The following MACROD2 variants were observed in gnomAD, a reference collection of about 807,000 sequenced individuals.
The protein encoded by MACROD2 is ADP-ribose glycohydrolase MACROD2.
MACROD2 carries 36 observed loss-of-function variants against 70.4 expected under a neutral mutation model. The observed-to-expected ratio is 0.51, with a 90% CI of 0.39 to 0.68. The LOEUF (loss-of-function observed/expected upper bound fraction) is 0.68, where lower values mean the gene tolerates loss of function less well. Ranked by LOEUF, MACROD2 falls within the 30% of genes least tolerant of loss-of-function variation. The pLI is 0.00. For synonymous variants in MACROD2, 172 were observed against 178.8 expected, an observed-to-expected ratio of 0.96 and a Z score of 0.30; for missense variants, 496 against 538.4, an observed-to-expected ratio of 0.92 and a Z score of 0.78.
chr20:14,967,544 A>G (rs1167544546), intron 5 of MACROD2, among the ~76,000 whole-genome samples: 1 of 152,070 alleles, frequency 6.6e-6, no homozygotes, highest in South Asian at 2.1e-4. Context: ...GACTGTGAAT[A>G]TTATTTCTCA....
rs916679271 is a variant in MACROD2, at chr20:15,338,639, GTATTAT to G, written c.541-92756_541-92751del. 1.3e-5 allele frequency among the ~76,000 whole-genome samples: 2 copies of G among 151,526 alleles called. 1 individual carries two copies. Among genetic ancestry groups the G allele is most frequent in the African/African-American group, 4.9e-5 (2 of 40,902 alleles). ...TTAATCATCTGAATAACTCCATAAA[GTATTAT>G]TATTATTATCCTCATTTTTCAGATG... On this transcript the variant is annotated intron_variant, in intron 6 of 17. Coordinates refer to ENST00000684519, the MANE Select transcript of MACROD2 (RefSeq NM_001351661.2).
chr20:15,986,890 G>A, intron 14 of MACROD2, 89 bp downstream of exon 14: 13 of 1,080,140 alleles, frequency 1.2e-5, no homozygotes, highest in Middle Eastern at 2.3e-4. Flanking sequence ...TGCGTGGTGT[G>A]TGTGTGTGTT....
chr20:15,707,664 T>TCCGAGC (rs2050556263), intron 8 of MACROD2, among the ~76,000 whole-genome samples: 1 of 152,036 alleles, frequency 6.6e-6, no homozygotes. Context: ...GTGCCTGTAG[T>TCCGAGC]CCGAGCTGTT....
chr20:14,502,041 G>A (rs184986720), intron 4 of MACROD2, among the ~76,000 whole-genome samples: 178 of 152,206 alleles, frequency 1.2e-3, no homozygotes, highest in African/African-American at 4.1e-3. Flanking sequence ...TTGAGTTCCC[G>A]ATTTAAATAT....
chr20:15,102,675 T>C (rs901292259), intron 5 of MACROD2, among the ~76,000 whole-genome samples: 6 of 152,114 alleles, frequency 3.9e-5, no homozygotes, highest in African/African-American at 1.4e-4. Context: ...TTAAAATGTA[T>C]TGATTTCTGA....
intron 3 of MACROD2, among the ~76,000 whole-genome samples, chr20:14,111,099 G>A (rs190689895): frequency 4.5e-4 from 68 of 151,966 alleles, no homozygotes; most frequent in Middle Eastern, 3.4e-3. Flanking sequence ...TTCAACAAAG[G>A]TGCCAAGAAC....
chr20:15,764,199 C>A (rs1023557057), intron 8 of MACROD2, among the ~76,000 whole-genome samples: 5 of 152,064 alleles, frequency 3.3e-5, no homozygotes, highest in Non-Finnish European at 7.4e-5. Flanking sequence ...TTTGATATGA[C>A]CTAGTGTTTA....
intron 8 of MACROD2, among the ~76,000 whole-genome samples, chr20:15,667,487 GTATCTATCTATGTATCTATC>G (rs981618742): frequency 1.1e-4 from 12 of 109,728 alleles, no homozygotes; most frequent in Non-Finnish European, 2.4e-4. Flanking sequence ...ATGTATCTAT[GTATCTATCTATGTATCTATC>G]TATCTATCTA....
intron 15 of MACROD2, among the ~76,000 whole-genome samples, chr20:16,005,595 T>G (rs955793136): frequency 3.3e-5 from 5 of 152,206 alleles, no homozygotes; most frequent in African/African-American, 1.2e-4. Context: ...AATTCCAACT[T>G]AGGAGCATTT....
At chr20:14,881,567 C>G (rs772587955) in intron 5 of MACROD2, among the ~76,000 whole-genome samples, 1 of 152,026 alleles carries the variant, frequency 6.6e-6, no homozygotes, top group Non-Finnish European at 1.5e-5. Context: ...TTCGGGGTAG[C>G]TCTCTTGCCA....
chr20:14,718,154 G>T (rs774782705), intron 5 of MACROD2, among the ~76,000 whole-genome samples: 1 of 151,540 alleles, frequency 6.6e-6, no homozygotes, highest in Non-Finnish European at 1.5e-5. Context: ...TTTGCCAGGC[G>T]TGGTGGCACG....
chr20:15,399,036 A>C (rs536420940), intron 6 of MACROD2, among the ~76,000 whole-genome samples: 5 of 152,160 alleles, frequency 3.3e-5, no homozygotes, highest in African/African-American at 1.2e-4. Flanking sequence ...GTCCCTACCA[A>C]TCTCTTCTGC....
intron 3 of MACROD2, among the ~76,000 whole-genome samples, chr20:14,234,898 CTTAAATATTTGCTATTTTAGTGCATCA>C (rs1374475970): frequency 3.9e-5 from 6 of 152,152 alleles, no homozygotes; most frequent in Non-Finnish European, 8.8e-5. Flanking sequence ...ATACAGAGCA[CTTAAATATTTGCTATTTTAGTGCATCA>C]TTAATGAACC....
chr20:15,194,083 C>A (rs2076589304), intron 5 of MACROD2, among the ~76,000 whole-genome samples: 1 of 151,284 alleles, frequency 6.6e-6, no homozygotes, highest in East Asian at 1.9e-4. Flanking sequence ...CTGTCTCTAC[C>A]AAATATACAA....
chr20:15,890,801 T>C (rs980719839), intron 10 of MACROD2, among the ~76,000 whole-genome samples: 1 of 152,196 alleles, frequency 6.6e-6, no homozygotes, highest in Non-Finnish European at 1.5e-5. Context: ...GCCATAGCTC[T>C]GTAATGTAAT....
chr20:15,816,108 A>G (rs541497118), intron 8 of MACROD2, among the ~76,000 whole-genome samples: 19 of 152,144 alleles, frequency 1.2e-4, no homozygotes, highest in Non-Finnish European at 2.5e-4. Flanking sequence ...ATACATATAC[A>G]TCACATATAT....
chr20:14,398,155 G>C (rs897814400), intron 3 of MACROD2, among the ~76,000 whole-genome samples: 33 of 152,122 alleles, frequency 2.2e-4, no homozygotes, highest in African/African-American at 7.7e-4. Context: ...TCTGTGGATG[G>C]ACATTTAGAT....
At chr20:15,883,573 CCT>C (rs532413542) in intron 9 of MACROD2, among the ~76,000 whole-genome samples, 2 of 135,016 alleles carry the variant, frequency 1.5e-5, no homozygotes, top group African/African-American at 5.4e-5. Context: ...TTTTCTCTTT[CCT>C]CTGACTAATA....
intron 5 of MACROD2, among the ~76,000 whole-genome samples, chr20:14,755,492 G>A (rs2071928476): frequency 6.6e-6 from 1 of 152,040 alleles, no homozygotes; most frequent in Admixed American, 6.5e-5. Flanking sequence ...GCCCTCATGA[G>A]CATTGGCTAC....
Sources: allele counts gnomAD v4.1 joint callset (sites outside exome capture counted in the v4.1 genomes callset), GRCh38; gene constraint gnomAD v4.1.1; transcripts MANE v1.5; gene names NCBI Gene and HGNC (gene_info 2026-07-23, HGNC 2026-07-21).